The following FAM168A variants were observed in gnomAD, a reference collection of about 807,000 sequenced individuals.
The protein encoded by FAM168A is protein FAM168A.
In FAM168A, 3 loss-of-function variants were observed where a neutral mutation model predicts 28.5. The observed-to-expected ratio is 0.11, with a 90% CI of 0.05 to 0.27. FAM168A has a LOEUF of 0.27. Among genes scored for constraint, FAM168A ranks in the 10% least tolerant of loss-of-function variants. The pLI, the probability that FAM168A is intolerant of heterozygous loss-of-function variation, is 1.00. For missense variants in FAM168A, 222 were observed against 311.5 expected (o/e 0.71, Z 2.16); for synonymous variants, 122 against 124.2 (o/e 0.98, Z 0.12).
At chr11:73,534,447 G>A (rs112589347) in intron 1 of FAM168A, among the ~76,000 whole-genome samples, 12,100 of 150,156 alleles carry the variant, frequency 0.081, 569 homozygotes, top group Admixed American at 0.11. Flanking sequence ...CTGTCACCCA[G>A]GCTGGAGCGC....
At chr11:73,552,564 TAC>T (rs1352794696) in intron 1 of FAM168A, among the ~76,000 whole-genome samples, 2 of 152,252 alleles carry the variant, frequency 1.3e-5, no homozygotes, top group African/African-American at 4.8e-5. Flanking sequence ...CATAGTGAAC[TAC>T]AGTTTCTTTA....
chr11:73,528,944 G>A lies in FAM168A; in HGVS notation c.-18-60452C>T, dbSNP rs114644919. On this transcript the variant is annotated intron_variant, in intron 1 of 7. Transcript: ENST00000356467. ...AACCTGCCAGAGCAAGAAAAGAGAC[G>A]CTTAATATTGCAGGGAATACATCTG... 3.3e-3 allele frequency among the ~76,000 whole-genome samples: 501 copies of A among 152,218 alleles called. 3 individuals carry two copies. Among genetic ancestry groups the A allele is most frequent in the African/African-American group, 0.01 (423 of 41,530 alleles).
chr11:73,503,679 C>G (rs1226088640), intron 1 of FAM168A, among the ~76,000 whole-genome samples: 1 of 152,028 alleles, frequency 6.6e-6, no homozygotes, highest in Non-Finnish European at 1.5e-5. Flanking sequence ...CAAAGAAGAC[C>G]CTGGATAGCC....
At position 73,484,520 on chromosome 11, in the gene FAM168A, A is replaced by ATC. The variant is rs200648586; in HGVS notation, c.-18-16029_-18-16028insGA. Among the ~76,000 whole-genome samples the ATC allele has an allele frequency of 9.5e-3, 1,282 of 134,872 alleles. 28 individuals are homozygous for ATC. The highest frequency in any genetic ancestry group is 0.035 in the African/African-American group (1,180 of 33,614). The allele number at this position is 134,872 out of a possible 152,430, so 88.5% of individuals were successfully genotyped here. The stretch of plus-strand genomic sequence containing the variant: ...AGAGGAGAGAGAGATATATATAGAT[A>ATC]TATATATCTATATATCTATATATCT... On this transcript the variant is annotated intron_variant, in intron 1 of 7. Transcript: ENST00000356467.
chr11:73,508,489 A>C (rs531187157), intron 1 of FAM168A, among the ~76,000 whole-genome samples: 7 of 152,310 alleles, frequency 4.6e-5, no homozygotes, highest in Non-Finnish European at 1.0e-4. Context: ...CTTTTCCACC[A>C]AGTCGGAACA....
intron 2 of FAM168A, among the ~76,000 whole-genome samples, chr11:73,442,838 C>CTTTCT (rs1311985308): frequency 1.6e-5 from 2 of 127,426 alleles, no homozygotes; most frequent in Non-Finnish European, 3.4e-5. Context: ...TTCTTTCTTT[C>CTTTCT]TTTTTTTTTT....
At chr11:73,422,080 G>A (rs1866802797) in intron 3 of FAM168A, among the ~76,000 whole-genome samples, 2 of 152,178 alleles carry the variant, frequency 1.3e-5, no homozygotes, top group South Asian at 4.1e-4. Context: ...GAGCGCCACG[G>A]TGGAAGGGAA....
At chr11:73,516,142 C>T (rs1435719471) in intron 1 of FAM168A, among the ~76,000 whole-genome samples, 1 of 151,338 alleles carries the variant, frequency 6.6e-6, no homozygotes, top group Non-Finnish European at 1.5e-5. Context: ...TTAGAAAACT[C>T]CTCAAAGGCA....
At chr11:73,533,438 C>T (rs1943539441) in intron 1 of FAM168A, among the ~76,000 whole-genome samples, 1 of 152,148 alleles carries the variant, frequency 6.6e-6, no homozygotes, top group Non-Finnish European at 1.5e-5. Flanking sequence ...TAGGGCCTTA[C>T]TCTTCCTTTG....
At chr11:73,578,027 T>C (rs1944196212) in intron 1 of FAM168A, among the ~76,000 whole-genome samples, 1 of 152,172 alleles carries the variant, frequency 6.6e-6, no homozygotes, top group Non-Finnish European at 1.5e-5. Context: ...AAATGTACTC[T>C]AGACCACCAA....
intron 1 of FAM168A, among the ~76,000 whole-genome samples, chr11:73,472,934 T>C (rs1402785135): frequency 6.6e-6 from 1 of 152,086 alleles, no homozygotes; most frequent in Non-Finnish European, 1.5e-5. Flanking sequence ...CTCAGAACAA[T>C]GTTTGATATA....
chr11:73,571,407 G>A (rs1427237325), intron 1 of FAM168A, among the ~76,000 whole-genome samples: 1 of 151,978 alleles, frequency 6.6e-6, no homozygotes, highest in Non-Finnish European at 1.5e-5. Context: ...CGCCATGCCT[G>A]ACTGGTTTTC....
chr11:73,495,307 C>T lies in FAM168A; in HGVS notation c.-18-26815G>A, dbSNP rs143424086. ...TCGTGCCACTGCACTCCAGCCTGGG[C>T]GACAGAGCGAGACTCCGTCTCAAAA... On this transcript the variant is annotated intron_variant, in intron 1 of 7. Coordinates refer to ENST00000356467, the MANE Select transcript of FAM168A (RefSeq NM_015159.3). Among the ~76,000 whole-genome samples, 1,276 of 152,132 alleles carry T rather than the reference C, an allele frequency of 8.4e-3. 19 individuals are homozygous for T. The highest frequency in any genetic ancestry group is 0.029 in the African/African-American group (1,210 of 41,482).
At chr11:73,519,018 C>T (rs540339971) in intron 1 of FAM168A, among the ~76,000 whole-genome samples, 107 of 152,290 alleles carry the variant, frequency 7.0e-4, no homozygotes, top group African/African-American at 2.4e-3. Context: ...TGATGCCATG[C>T]TTCCCACACA....
At chr11:73,543,224 T>TG (rs1943679544) in intron 1 of FAM168A, among the ~76,000 whole-genome samples, 1 of 151,612 alleles carries the variant, frequency 6.6e-6, no homozygotes, top group South Asian at 2.1e-4. Context: ...ATTGTAAGTA[T>TG]AATCAATACT....
At position 73,548,246 on chromosome 11, in the gene FAM168A, T is replaced by TATAA. The variant is rs552443112; in HGVS notation, c.-19+49673_-19+49676dup. On this transcript the variant is annotated intron_variant, in intron 1 of 7. Coordinates refer to ENST00000356467, the MANE Select transcript of FAM168A (RefSeq NM_015159.3). ...AAATTTTATGTTTTTCATCACAATT[T>TATAA]ATAAATAAATAAATAAATAAGCAAG... Among the ~76,000 whole-genome samples the TATAA allele has an allele frequency of 2.5e-3, 386 of 152,044 alleles. 3 individuals are homozygous for TATAA. Among genetic ancestry groups the TATAA allele is most frequent in the African/African-American group, 8.3e-3 (346 of 41,524 alleles).
intron 2 of FAM168A, among the ~76,000 whole-genome samples, chr11:73,464,865 ATT>A (rs59307110): frequency 2.7e-5 from 4 of 147,162 alleles, no homozygotes; most frequent in South Asian, 2.2e-4. Flanking sequence ...CTGTTTTATC[ATT>A]TTTTTTTTTT....
Position 73,404,911 on chromosome 11 carries a change from T to A in FAM168A, c.*1852A>T, listed in dbSNP as rs1176399896. 6.6e-6 allele frequency: 1 copy of A among 152,254 alleles called. No homozygotes were observed. Among genetic ancestry groups the A allele is most frequent in the Non-Finnish European group, 1.5e-5 (1 of 68,044 alleles). 9.4% of individuals were successfully genotyped at this position (152,254 alleles called of 1,614,324 possible). ...AATGATCCCATTTTTTACAATAAAA[T>A]GTTCGTGCCCCACCCCCAGAGGGGC... On this transcript the variant is annotated 3_prime_UTR_variant, in exon 8 of 8. Transcript: ENST00000356467.
At chr11:73,597,110 C>A (rs1193781463) in intron 1 of FAM168A, among the ~76,000 whole-genome samples, 1 of 152,030 alleles carries the variant, frequency 6.6e-6, no homozygotes, top group Non-Finnish European at 1.5e-5. Context: ...CCATTTCCAT[C>A]CCTGTCCTCC....
Sources: gnomAD v4.1 joint callset for allele counts (sites outside exome capture counted in the v4.1 genomes callset) on GRCh38, gnomAD v4.1.1 for gene constraint, MANE v1.5 for transcripts, NCBI Gene and HGNC (gene_info 2026-07-23, HGNC 2026-07-21) for gene names.